SPECC1: variants seen among roughly 807,000 people sequenced by gnomAD.
The protein encoded by SPECC1 is cytospin-B.
Under a neutral mutation model 104.1 loss-of-function variants are expected in SPECC1, and 62 were observed. That is an observed-to-expected ratio of 0.60 (90% CI 0.49 to 0.74). The LOEUF (loss-of-function observed/expected upper bound fraction) is 0.74, where lower values mean the gene tolerates loss of function less well. Among genes scored for constraint, SPECC1 ranks in the 30% least tolerant of loss-of-function variants. The pLI, the probability that SPECC1 is intolerant of heterozygous loss-of-function variation, is 0.00. For synonymous variants in SPECC1, 513 were observed against 501.6 expected, an observed-to-expected ratio of 1.02 and a Z score of -0.30; for missense variants, 1,306 against 1,310.5, an observed-to-expected ratio of 1.00 and a Z score of 0.05.
chr17:20,140,824 A>T (rs1355575542), intron 3 of SPECC1, among the ~76,000 whole-genome samples: 1 of 152,246 alleles, frequency 6.6e-6, no homozygotes, highest in Non-Finnish European at 1.5e-5. Flanking sequence ...TTCCTAAGCC[A>T]CAGCTGTCAT....
chr17:20,235,561 T>C (rs1310987741), intron 7 of SPECC1, among the ~76,000 whole-genome samples: 1 of 152,192 alleles, frequency 6.6e-6, no homozygotes, highest in Admixed American at 6.5e-5. Flanking sequence ...ACAAGCTTTC[T>C]AATGAAAGAC....
intron 1 of SPECC1, among the ~76,000 whole-genome samples, chr17:20,088,246 T>G (rs563550102): frequency 6.6e-6 from 1 of 152,296 alleles, no homozygotes; most frequent in East Asian, 1.9e-4. Flanking sequence ...ATTTTGAAAC[T>G]TTAATTTTAG....
At chr17:20,223,947 A>T (rs1359919569) in intron 4 of SPECC1, among the ~76,000 whole-genome samples, 1 of 152,194 alleles carries the variant, frequency 6.6e-6, no homozygotes. Flanking sequence ...CAGTCTTCAC[A>T]GTCTGGGCTT....
intron 8 of SPECC1, among the ~76,000 whole-genome samples, chr17:20,246,887 GA>G (rs1470126974): frequency 1.3e-5 from 2 of 152,156 alleles, no homozygotes; most frequent in African/African-American, 4.8e-5. Context: ...TCAAAGACAT[GA>G]AAGCCTTTCA....
At chr17:20,074,713 CCGTGTTT>C (rs1355343622) in intron 1 of SPECC1, among the ~76,000 whole-genome samples, 4 of 152,084 alleles carry the variant, frequency 2.6e-5, no homozygotes, top group African/African-American at 9.7e-5. Flanking sequence ...TTTAGAGTAG[CCGTGTTT>C]CACTTCCTTT....
chr17:20,108,604 T>G (rs1271865598), intron 2 of SPECC1, among the ~76,000 whole-genome samples: 1 of 152,228 alleles, frequency 6.6e-6, no homozygotes, highest in Non-Finnish European at 1.5e-5. Context: ...TGTGTCTGCT[T>G]CTTTCACTTA....
At chr17:20,294,399 G>C (rs928375899) in intron 12 of SPECC1, among the ~76,000 whole-genome samples, 1 of 152,202 alleles carries the variant, frequency 6.6e-6, no homozygotes, top group Non-Finnish European at 1.5e-5. Flanking sequence ...CTTGTTTGGT[G>C]TGCTGACGGG....
intron 8 of SPECC1, 45 bp downstream of exon 8, chr17:20,246,116 T>A (rs1283914933): frequency 6.2e-7 from 1 of 1,606,300 alleles, no homozygotes; most frequent in Non-Finnish European, 8.5e-7. Context: ...AATTCAAACT[T>A]TGGCCCGACA....
intron 3 of SPECC1, among the ~76,000 whole-genome samples, chr17:20,199,397 T>G (rs1371445259): frequency 2.1e-5 from 3 of 143,818 alleles, no homozygotes; most frequent in Admixed American, 1.4e-4. Flanking sequence ...TTTTTTTTTT[T>G]TTTTTTTTTT....
At chr17:20,296,453 G>A (rs368995267) in intron 12 of SPECC1, among the ~76,000 whole-genome samples, 8 of 152,170 alleles carry the variant, frequency 5.3e-5, no homozygotes, top group South Asian at 2.1e-4. Flanking sequence ...GTCAGGTAGC[G>A]TGATGCCTCC....
At chr17:20,083,965 G>T (rs2047079071) in intron 1 of SPECC1, among the ~76,000 whole-genome samples, 1 of 152,066 alleles carries the variant, frequency 6.6e-6, no homozygotes, top group Non-Finnish European at 1.5e-5. Context: ...GTTTCAATTT[G>T]CATTTTCTTA....
chr17:20,258,528 T>C (rs868178080), intron 11 of SPECC1, among the ~76,000 whole-genome samples: 10 of 152,318 alleles, frequency 6.6e-5, no homozygotes, highest in Middle Eastern at 3.4e-3. Context: ...TGCAGAAATC[T>C]CACATGACTC....
At chr17:20,094,678 AT>A (rs11297866) in intron 1 of SPECC1, among the ~76,000 whole-genome samples, 146,835 of 150,372 alleles carry the variant, frequency 0.98, 71,738 homozygotes, top group Non-Finnish European at 0.99. Flanking sequence ...CCAGTCCTTT[AT>A]TTTTTTTTTT....
At chr17:20,189,803 G>A (rs536582018) in intron 3 of SPECC1, among the ~76,000 whole-genome samples, 1 of 152,284 alleles carries the variant, frequency 6.6e-6, no homozygotes, top group African/African-American at 2.4e-5. Context: ...CTGAGCAAGT[G>A]GAGTGTGAGG....
At chr17:20,113,458 G>T (rs2048594475) in intron 3 of SPECC1, among the ~76,000 whole-genome samples, 1 of 151,992 alleles carries the variant, frequency 6.6e-6, no homozygotes, top group Non-Finnish European at 1.5e-5. Context: ...GGTTGTTCAG[G>T]TTTATAAATA....
intron 12 of SPECC1, among the ~76,000 whole-genome samples, chr17:20,290,679 T>G (rs2041134198): frequency 6.6e-6 from 1 of 152,192 alleles, no homozygotes; most frequent in African/African-American, 2.4e-5. Context: ...CATGCCTGGC[T>G]AATTTTTAAA....
At chr17:20,177,814 ATTC>A (rs1446787871) in intron 3 of SPECC1, among the ~76,000 whole-genome samples, 2 of 151,912 alleles carry the variant, frequency 1.3e-5, no homozygotes, top group Non-Finnish European at 2.9e-5. Flanking sequence ...GGTTTAAGCA[ATTC>A]TTCTGCCTCA....
chr17:20,034,925 A>T (rs1009941118), intron 1 of SPECC1, among the ~76,000 whole-genome samples: 7 of 151,944 alleles, frequency 4.6e-5, no homozygotes, highest in African/African-American at 1.2e-4. Flanking sequence ...TGTTTTATAG[A>T]TGTATATCTT....
At chr17:20,301,671 C>T (rs1328749960) in intron 13 of SPECC1, among the ~76,000 whole-genome samples, 2 of 152,000 alleles carry the variant, frequency 1.3e-5, no homozygotes, top group African/African-American at 2.4e-5. Context: ...TCACAGGGTG[C>T]GATTTACAGT....
Sources: allele counts gnomAD v4.1 joint callset (sites outside exome capture counted in the v4.1 genomes callset), GRCh38; gene constraint gnomAD v4.1.1; transcripts MANE v1.5; gene names NCBI Gene and HGNC (gene_info 2026-07-23, HGNC 2026-07-21).